Variants in OGA observed in about 807,000 individuals in gnomAD.
The protein encoded by OGA is O-GlcNAcase.
In OGA, 21 loss-of-function variants were observed where a neutral mutation model predicts 102.0. The ratio of observed to expected loss-of-function variants is 0.21; its 90% CI spans 0.15 to 0.30. The LOEUF (loss-of-function observed/expected upper bound fraction) is 0.30, where lower values mean the gene tolerates loss of function less well. Ranked by LOEUF, OGA falls within the 10% of genes least tolerant of loss-of-function variation. The pLI is 1.00. For missense variants in OGA, 765 were observed against 1,107.8 expected, an observed-to-expected ratio of 0.69 and a Z score of 4.39; for synonymous variants, 408 against 378.2, an observed-to-expected ratio of 1.08 and a Z score of -0.91.
At position 101,818,269 on chromosome 10, in the gene OGA, T is replaced by TAAGCGG; in HGVS notation, c.-253_-248dup. ...GCTTTAAGCTGGGGCGCCAGAAGCC[T>TAAGCGG]AAGCGGAGAGCGAGGCTGTGACCTC... On this transcript the variant is annotated 5_prime_UTR_variant, in exon 1 of 16. Transcript: ENST00000361464. 7.7e-7 allele frequency: 1 copy of TAAGCGG among 1,293,564 alleles called. No individual in the cohort carries two copies. Among genetic ancestry groups the TAAGCGG allele is most frequent in the Non-Finnish European group, 9.8e-7 (1 of 1,020,652 alleles). 80.1% of individuals were successfully genotyped at this position (1,293,564 alleles called of 1,614,324 possible). A position where few individuals can be genotyped will look rare whatever the true frequency, so the allele number is the denominator to read the frequency against.
chr10:101,812,792 T>C (rs986152592), intron 3 of OGA: 2 of 594,586 alleles, frequency 3.4e-6, no homozygotes, highest in East Asian at 3.6e-5. Context: ...GCACAATCTA[T>C]GACCACAGAA....
chr10:101,814,863 G>A (rs1442189401), intron 1 of OGA, among the ~76,000 whole-genome samples: 1 of 152,166 alleles, frequency 6.6e-6, no homozygotes, highest in East Asian at 1.9e-4. Flanking sequence ...AAACAAACTC[G>A]CAGACCGATA....
At chr10:101,787,687 C>T in intron 14 of OGA, 164 bp from the exon 15 acceptor site, 2 of 633,632 alleles carry the variant, frequency 3.2e-6, no homozygotes, top group Non-Finnish European at 2.6e-6. Context: ...AGCATTTTCA[C>T]TTTCTTTGAG....
intron 8 of OGA, among the ~76,000 whole-genome samples, chr10:101,799,925 T>C (rs531291824): frequency 1.4e-4 from 21 of 152,080 alleles, no homozygotes; most frequent in Non-Finnish European, 2.1e-4. Context: ...CAGGCTGGAG[T>C]ACAGTGGCTC....
intron 4 of OGA, among the ~76,000 whole-genome samples, chr10:101,809,453 C>A (rs561973529): frequency 4.6e-5 from 7 of 152,274 alleles, no homozygotes; most frequent in African/African-American, 1.7e-4. Context: ...CACTGGCGCA[C>A]GACTGTAATC....
chr10:101,813,533 C>A, intron 2 of OGA, 22 bp downstream of exon 2: 1 of 1,442,568 alleles, frequency 6.9e-7, no homozygotes, highest in South Asian at 1.2e-5. Context: ...TCTCCTCTCT[C>A]CTTCATATAA....
At chr10:101,805,129 C>T (rs372412309) in intron 6 of OGA, among the ~76,000 whole-genome samples, 6 of 151,326 alleles carry the variant, frequency 4.0e-5, no homozygotes, top group Non-Finnish European at 5.9e-5. Flanking sequence ...CTCTACCTCC[C>T]GGGCTCAAGT....
chr10:101,815,934 G>A (rs1319889490), intron 1 of OGA, among the ~76,000 whole-genome samples: 1 of 133,690 alleles, frequency 7.5e-6, no homozygotes, highest in Non-Finnish European at 1.5e-5. Context: ...TTTTACGGCT[G>A]GTGCCAACCA....
chr10:101,804,674 T>A (rs1206293550), intron 6 of OGA, among the ~76,000 whole-genome samples: 1 of 152,092 alleles, frequency 6.6e-6, no homozygotes, highest in East Asian at 1.9e-4. Flanking sequence ...CACTGCAGCC[T>A]TGAGCTCCTG....
intron 10 of OGA, among the ~76,000 whole-genome samples, chr10:101,795,199 G>A (rs1449898867): frequency 1.3e-5 from 2 of 152,138 alleles, no homozygotes; most frequent in Non-Finnish European, 2.9e-5. Context: ...TTTAAGATCA[G>A]CCAATTTCCC....
Position 101,785,525 on chromosome 10 carries a change from A to AT in OGA, c.*925dup, listed in dbSNP as rs1431986650. On this transcript the variant is annotated 3_prime_UTR_variant, in exon 16 of 16. Transcript: ENST00000361464. Reference sequence around the variant, plus strand: ...CAGAAGTAACTGCACTTTTCAACAGATTAAGTCCTACAAAATTAGGCTCTC... The same window carrying AT: ...CAGAAGTAACTGCACTTTTCAACAGATTTAAGTCCTACAAAATTAGGCTCTC... 7 of 152,738 alleles carry AT rather than the reference A, an allele frequency of 4.6e-5. No individual in the cohort carries two copies. The East Asian group carries it at 1.3e-3, about 29-fold the overall frequency. The allele number at this position is 152,738 out of a possible 1,614,324, so 9.5% of individuals were successfully genotyped here. A position where few individuals can be genotyped will look rare whatever the true frequency, so the allele number is the denominator to read the frequency against.
At chr10:101,789,837 T>C (rs1297441803) in intron 14 of OGA, among the ~76,000 whole-genome samples, 1 of 152,032 alleles carries the variant, frequency 6.6e-6, no homozygotes, top group Non-Finnish European at 1.5e-5. Context: ...AGTTAGCTGA[T>C]GCGTAGTGGC....
At chr10:101,797,946 T>C in intron 10 of OGA, 34 bp downstream of exon 10, 1 of 1,589,150 alleles carries the variant, frequency 6.3e-7, no homozygotes, top group Non-Finnish European at 8.6e-7. Context: ...GGACAATATA[T>C]TTGAGGAGAA....
At chr10:101,815,829 C>T (rs534412326) in intron 1 of OGA, among the ~76,000 whole-genome samples, 4 of 151,844 alleles carry the variant, frequency 2.6e-5, no homozygotes, top group South Asian at 2.1e-4. Context: ...GGAAGCAATG[C>T]TGTTAATGTA....
intron 3 of OGA, chr10:101,812,793 G>T: frequency 1.7e-6 from 1 of 595,202 alleles, no homozygotes; most frequent in Non-Finnish European, 3.1e-6. Flanking sequence ...CACAATCTAT[G>T]ACCACAGAAC....
chr10:101,812,865 G>A, intron 3 of OGA, 165 bp downstream of exon 3: 4 of 695,828 alleles, frequency 5.7e-6, no homozygotes, highest in Non-Finnish European at 1.1e-5. Context: ...TGCTAGCGCA[G>A]AGCACTCTTT....
At chr10:101,796,437 T>A (rs1349165116) in intron 10 of OGA, among the ~76,000 whole-genome samples, 1 of 151,892 alleles carries the variant, frequency 6.6e-6, no homozygotes, top group East Asian at 1.9e-4. Flanking sequence ...AATTTTTGTA[T>A]TTTTAGTAGA....
chr10:101,812,517 T>C (rs1204650492), intron 3 of OGA, among the ~76,000 whole-genome samples: 3 of 152,240 alleles, frequency 2.0e-5, no homozygotes, highest in Non-Finnish European at 4.4e-5. Flanking sequence ...CAAGCCATAC[T>C]AGAGCCTGAA....
At position 101,806,080 on chromosome 10, in the gene OGA, T is replaced by C. The variant is rs761251240; in HGVS notation, c.716A>G (p.Glu239Gly). 7.4e-6 allele frequency: 12 copies of C among 1,612,084 alleles called. No individual in the cohort carries two copies. The highest frequency in any genetic ancestry group is 3.3e-4 in the Middle Eastern group (2 of 6,084). The change falls in exon 6 of 16, where the codon GAA becomes GGA. Residue 239 changes from glutamate to glycine, a missense_variant. This residue lies in a region of OGA where 165 missense variants were observed against 249.7 expected (regional missense o/e 0.66). Transcript: ENST00000361464. ...SQSPYLRTVG[E>G]KLLPGIEVLW... Reference sequence around the variant, plus strand: ...CACTTCAATTCCAGGTAGAAGCTTTTCACCCACAGTCCTTAAATATGGAGA... The same window carrying C: ...CACTTCAATTCCAGGTAGAAGCTTTCCACCCACAGTCCTTAAATATGGAGA...
Sources: gnomAD v4.1 joint callset for allele counts (sites outside exome capture counted in the v4.1 genomes callset) on GRCh38, gnomAD v4.1.1 for gene constraint, gnomAD v4.1.1 regional missense constraint, MANE v1.5 for transcripts, NCBI Gene and HGNC (gene_info 2026-07-23, HGNC 2026-07-21) for gene names.